AGBL4: variants seen among roughly 807,000 people sequenced by gnomAD.
The protein encoded by AGBL4 is cytosolic carboxypeptidase 6.
AGBL4 carries 58 observed loss-of-function variants against 66.4 expected under a neutral mutation model. The observed-to-expected ratio is 0.87, with a 90% CI of 0.71 to 1.09. The LOEUF (loss-of-function observed/expected upper bound fraction) is 1.09, where lower values mean the gene tolerates loss of function less well. Among genes scored for constraint, AGBL4 ranks in the 50% least tolerant of loss-of-function variants. The pLI, the probability that AGBL4 is intolerant of heterozygous loss-of-function variation, is 0.00. For missense variants in AGBL4, 579 were observed against 631.0 expected, an observed-to-expected ratio of 0.92 and a Z score of 0.88; for synonymous variants, 234 against 222.9, an observed-to-expected ratio of 1.05 and a Z score of -0.44.
intron 6 of AGBL4, among the ~76,000 whole-genome samples, chr1:48,840,076 G>A (rs1447577176): frequency 6.6e-6 from 1 of 152,116 alleles, no homozygotes; most frequent in Non-Finnish European, 1.5e-5. Flanking sequence ...TGATGAGTGT[G>A]TTTTATAGAG....
chr1:49,210,556 T>A (rs1648581464), intron 4 of AGBL4, among the ~76,000 whole-genome samples: 2 of 152,142 alleles, frequency 1.3e-5, no homozygotes, highest in Admixed American at 1.3e-4. Flanking sequence ...AACAAGCTTT[T>A]GTAATCTCAG....
chr1:49,798,802 A>G lies in AGBL4; in HGVS notation c.157+52594T>C, dbSNP rs536214903. Among the ~76,000 whole-genome samples the G allele has an allele frequency of 1.6e-4, 25 of 152,288 alleles. No individual in the cohort carries two copies. In the South Asian group the frequency reaches 5.2e-3, roughly 32 times the overall value. ...TGTTATTTCATTTTCCAAACTCTGG[A>G]AGTATTTTATTTTATTTAAAATATT... On this transcript the variant is annotated intron_variant, in intron 2 of 13. Transcript: ENST00000371839.
In AGBL4 at chr1:48,715,375, C is replaced by T. The variant is rs564040530; in HGVS notation, c.635-52134G>A. Reference sequence around the variant, plus strand: ...AGTAACACCCATCCCTTCAATCATTCATTCATTCATTTCTTGAACAAAAAC... The same window carrying T: ...AGTAACACCCATCCCTTCAATCATTTATTCATTCATTTCTTGAACAAAAAC... On this transcript the variant is annotated intron_variant, in intron 6 of 13. Transcript: ENST00000371839. Among the ~76,000 whole-genome samples the T allele has an allele frequency of 1.2e-4, 19 of 152,302 alleles. No homozygotes were observed. In the South Asian group the frequency reaches 2.7e-3, roughly 22 times the overall value.
At chr1:49,791,953 G>C (rs540650335) in intron 2 of AGBL4, among the ~76,000 whole-genome samples, 49 of 152,002 alleles carry the variant, frequency 3.2e-4, no homozygotes, top group Admixed American at 1.8e-3. Flanking sequence ...CTGAAATATA[G>C]AATGTACTCA....
intron 5 of AGBL4, among the ~76,000 whole-genome samples, chr1:48,926,283 T>TTTTATTTTATTTTATTTTATTTTA (rs1654561095): frequency 6.7e-6 from 1 of 150,146 alleles, no homozygotes; most frequent in African/African-American, 2.4e-5. Context: ...TTTTATTTTA[T>TTTTATTTTATTTTATTTTATTTTA]TTTATTTATT....
chr1:49,153,566 T>C (rs943873484), intron 4 of AGBL4, among the ~76,000 whole-genome samples: 4 of 152,084 alleles, frequency 2.6e-5, no homozygotes, highest in Admixed American at 6.6e-5. Context: ...TAAGTAGCCC[T>C]TCCATCAATC....
At chr1:48,697,422 A>G (rs1460707757) in intron 6 of AGBL4, among the ~76,000 whole-genome samples, 2 of 152,200 alleles carry the variant, frequency 1.3e-5, no homozygotes, top group Non-Finnish European at 2.9e-5. Context: ...CACTTAATCT[A>G]GATAACAATT....
At chr1:49,141,269 T>C (rs1646112837) in intron 4 of AGBL4, among the ~76,000 whole-genome samples, 1 of 152,200 alleles carries the variant, frequency 6.6e-6, no homozygotes, top group Non-Finnish European at 1.5e-5. Flanking sequence ...CATTCATTTA[T>C]TTATTTATTC....
chr1:48,604,233 G>A (rs1354977558), intron 9 of AGBL4, among the ~76,000 whole-genome samples: 2 of 152,156 alleles, frequency 1.3e-5, no homozygotes, highest in Non-Finnish European at 2.9e-5. Context: ...AAGCAAGATT[G>A]ACAGTTTGCA....
intron 9 of AGBL4, among the ~76,000 whole-genome samples, chr1:48,621,433 G>T (rs572330438): frequency 6.6e-6 from 1 of 152,152 alleles, no homozygotes; most frequent in Admixed American, 6.5e-5. Flanking sequence ...CTCATATGTG[G>T]GTGGCTAGGT....
intron 11 of AGBL4, chr1:48,584,056 A>G (rs1223507024): frequency 6.6e-6 from 1 of 151,916 alleles, no homozygotes; most frequent in Non-Finnish European, 1.5e-5. Flanking sequence ...CCTTCCAATC[A>G]CGAGCTCCCA....
intron 4 of AGBL4, among the ~76,000 whole-genome samples, chr1:49,234,325 T>C (rs1008342513): frequency 2.6e-5 from 4 of 152,188 alleles, no homozygotes; most frequent in African/African-American, 9.7e-5. Context: ...GGAAGGTCTG[T>C]ATATGGGCAC....
chr1:49,807,686 A>G (rs1013344175), intron 2 of AGBL4, among the ~76,000 whole-genome samples: 1 of 152,232 alleles, frequency 6.6e-6, no homozygotes, highest in African/African-American at 2.4e-5. Flanking sequence ...CTTCTGAAAA[A>G]GACAAGTTTT....
intron 6 of AGBL4, among the ~76,000 whole-genome samples, chr1:48,735,549 G>A (rs888509721): frequency 6.6e-5 from 10 of 151,998 alleles, no homozygotes. Flanking sequence ...AAGGAAAAAG[G>A]AAAGGAGGGA....
At chr1:49,500,674 AG>A (rs1401991776) in intron 3 of AGBL4, among the ~76,000 whole-genome samples, 1 of 152,046 alleles carries the variant, frequency 6.6e-6, no homozygotes, top group East Asian at 1.9e-4. Context: ...ACTTTGTCAA[AG>A]ATCAGTTGAC....
At chr1:49,195,430 T>C (rs1448319577) in intron 4 of AGBL4, among the ~76,000 whole-genome samples, 1 of 152,198 alleles carries the variant, frequency 6.6e-6, no homozygotes, top group South Asian at 2.1e-4. Context: ...TAGTTGGATA[T>C]AAAATTCATG....
chr1:49,743,642 TG>T (rs1325248031), intron 2 of AGBL4, among the ~76,000 whole-genome samples: 1 of 151,996 alleles, frequency 6.6e-6, no homozygotes, highest in Non-Finnish European at 1.5e-5. Context: ...AGCAAAGACT[TG>T]GAACCAACCC....
chr1:48,910,420 T>C (rs1652986574), intron 5 of AGBL4, among the ~76,000 whole-genome samples: 1 of 152,192 alleles, frequency 6.6e-6, no homozygotes, highest in African/African-American at 2.4e-5. Flanking sequence ...AGACTTTTGG[T>C]GTGGTAGATT....
chr1:48,613,676 A>T (rs1323362942), intron 9 of AGBL4, among the ~76,000 whole-genome samples: 2 of 152,198 alleles, frequency 1.3e-5, no homozygotes, highest in African/African-American at 2.4e-5. Context: ...CAGGTCCCAG[A>T]TAGGGGTGAC....
Sources: gnomAD v4.1 joint callset for allele counts (sites outside exome capture counted in the v4.1 genomes callset) on GRCh38, gnomAD v4.1.1 for gene constraint, MANE v1.5 for transcripts, NCBI Gene and HGNC (gene_info 2026-07-23, HGNC 2026-07-21) for gene names.